EPB41L4A: variants seen among roughly 807,000 people sequenced by gnomAD.
EPB41L4A encodes the protein band 4.1-like protein 4A.
EPB41L4A carries 100 observed loss-of-function variants against 108.6 expected under a neutral mutation model. The ratio of observed to expected loss-of-function variants is 0.92; its 90% CI spans 0.78 to 1.09. The LOEUF is 1.09. EPB41L4A is among the 50% of genes least tolerant of loss of function. EPB41L4A has a pLI of 0.00. For synonymous variants in EPB41L4A, 319 were observed against 289.0 expected, an observed-to-expected ratio of 1.10 and a Z score of -1.05; for missense variants, 1,030 against 842.7, an observed-to-expected ratio of 1.22 and a Z score of -2.75.
Position 112,209,910 on chromosome 5 carries a change from G to T in EPB41L4A, c.1160C>A (p.Ala387Glu). Residue 387 changes from alanine to glutamate, a missense_variant, in exon 13 of 23, where the codon GCA becomes GAA. By Grantham distance (107) the Ala-to-Glu change is moderately radical. Transcript: ENST00000261486. ...CACTGACCTTTTTACTGGTGAAGGT[G>T]CAATAATTTTAATTGTTCCTTCATT... is the stretch of plus-strand genomic sequence containing the variant. ...GENEGTIKIIAPSPVKSFKKA... is the reference protein window; with the variant it reads ...GENEGTIKIIEPSPVKSFKKA... The T allele has an allele frequency of 1.2e-6, 2 of 1,600,524 alleles. No individual in the cohort carries two copies. The highest frequency in any genetic ancestry group is 1.7e-6 in the Non-Finnish European group (2 of 1,169,550).
At chr5:112,314,505 TAAAAAAAAAAAAAAAAAAAAAAA>T (rs552428109) in intron 1 of EPB41L4A, among the ~76,000 whole-genome samples, 5 of 55,182 alleles carry the variant, frequency 9.1e-5, no homozygotes, top group South Asian at 1.2e-3. Flanking sequence ...CCATCGCTAC[TAAAAAAAAAAAAAAAAAAAAAAA>T]AAAAAAAAAA....
chr5:112,175,635 T>C (rs1364950215), intron 18 of EPB41L4A: 1 of 152,040 alleles, frequency 6.6e-6, no homozygotes, highest in Non-Finnish European at 1.5e-5. Flanking sequence ...ACTGTACATC[T>C]GAAATGCCAA....
chr5:112,332,162 A>G (rs1312034973), intron 1 of EPB41L4A, among the ~76,000 whole-genome samples: 1 of 152,246 alleles, frequency 6.6e-6, no homozygotes, highest in East Asian at 1.9e-4. Flanking sequence ...TCCTGCCTCT[A>G]TTGTTCCAAT....
chr5:112,330,859 C>T lies in EPB41L4A; in HGVS notation c.100-23369G>A, dbSNP rs17134365. Among the ~76,000 whole-genome samples the T allele has an allele frequency of 0.029, 4,428 of 152,090 alleles. 313 individuals carry two copies. The East Asian group carries it at 0.31, about 10-fold the overall frequency. The stretch of plus-strand genomic sequence containing the variant: ...AAAAATCATCAAGAGTGATTACCTT[C>T]GGAGACAGCAGTTAGGAGGATGGAG... On this transcript the variant is annotated intron_variant, in intron 1 of 22. Coordinates refer to ENST00000261486, the MANE Select transcript of EPB41L4A (RefSeq NM_022140.5).
At chr5:112,353,443 G>C (rs1157876220) in intron 1 of EPB41L4A, among the ~76,000 whole-genome samples, 1 of 152,102 alleles carries the variant, frequency 6.6e-6, no homozygotes, top group Non-Finnish European at 1.5e-5. Context: ...AACAACACTT[G>C]GCTTCCAGAC....
chr5:112,241,995 CT>C (rs1749820945), intron 9 of EPB41L4A, among the ~76,000 whole-genome samples: 1 of 152,156 alleles, frequency 6.6e-6, no homozygotes, highest in African/African-American at 2.4e-5. Context: ...TAAAAGTCAT[CT>C]GAGCCTTCAG....
intron 12 of EPB41L4A, among the ~76,000 whole-genome samples, chr5:112,233,627 A>C (rs891064754): frequency 7.9e-5 from 12 of 152,046 alleles, no homozygotes; most frequent in African/African-American, 2.4e-4. Context: ...TGCTCAGGCT[A>C]TACTCAAACT....
At chr5:112,188,744 T>G (rs1420347072) in intron 17 of EPB41L4A, among the ~76,000 whole-genome samples, 1 of 152,188 alleles carries the variant, frequency 6.6e-6, no homozygotes, top group African/African-American at 2.4e-5. Context: ...GGCAGGACAG[T>G]AGGCAGTTCC....
intron 1 of EPB41L4A, among the ~76,000 whole-genome samples, chr5:112,404,740 T>G (rs1761983689): frequency 6.6e-6 from 1 of 152,200 alleles, no homozygotes; most frequent in South Asian, 2.1e-4. Flanking sequence ...TCCGGATGGT[T>G]AGAAGCAATC....
At chr5:112,395,489 G>A (rs997851826) in intron 1 of EPB41L4A, among the ~76,000 whole-genome samples, 6 of 152,156 alleles carry the variant, frequency 3.9e-5, no homozygotes, top group African/African-American at 1.2e-4. Context: ...ACAGACACAT[G>A]AAAAAATGCT....
intron 12 of EPB41L4A, among the ~76,000 whole-genome samples, chr5:112,157,567 C>T (rs1580333565): frequency 6.6e-6 from 1 of 152,184 alleles, no homozygotes; most frequent in Non-Finnish European, 1.5e-5. Flanking sequence ...CTAGAGGCTG[C>T]CCATATTCTT....
At chr5:112,272,311 T>C (rs1752316176) in intron 4 of EPB41L4A, among the ~76,000 whole-genome samples, 3 of 151,592 alleles carry the variant, frequency 2.0e-5, no homozygotes, top group Admixed American at 2.0e-4. Context: ...CAGCTGATTT[T>C]TGTATTTTTT....
At chr5:112,167,221 G>A (rs1760306005) in intron 22 of EPB41L4A, among the ~76,000 whole-genome samples, 1 of 150,732 alleles carries the variant, frequency 6.6e-6, no homozygotes, top group East Asian at 1.9e-4. Flanking sequence ...TTGAGGCTTA[G>A]AAGTTTAGCA....
chr5:112,200,292 C>A (rs921601464), intron 15 of EPB41L4A, among the ~76,000 whole-genome samples: 9 of 152,198 alleles, frequency 5.9e-5, no homozygotes, highest in Admixed American at 6.5e-5. Flanking sequence ...CTAACCCCAA[C>A]CTCTTTGGCT....
At chr5:112,412,156 T>C (rs1255156902) in intron 1 of EPB41L4A, among the ~76,000 whole-genome samples, 1 of 152,214 alleles carries the variant, frequency 6.6e-6, no homozygotes, top group Non-Finnish European at 1.5e-5. Flanking sequence ...TCTGACCTTT[T>C]GGTTATTGTC....
intron 1 of EPB41L4A, among the ~76,000 whole-genome samples, chr5:112,360,911 C>G (rs1758693582): frequency 6.6e-6 from 1 of 151,998 alleles, no homozygotes; most frequent in African/African-American, 2.4e-5. Context: ...TGAGGAGTGT[C>G]TCTGCCCCGC....
At chr5:112,178,648 T>C (rs1297773341) in intron 18 of EPB41L4A, among the ~76,000 whole-genome samples, 3 of 151,824 alleles carry the variant, frequency 2.0e-5, no homozygotes, top group African/African-American at 7.3e-5. Context: ...CCTGAAATAT[T>C]TGGAAATTAA....
intron 1 of EPB41L4A, among the ~76,000 whole-genome samples, chr5:112,340,141 G>C (rs1431302890): frequency 1.3e-5 from 2 of 152,214 alleles, no homozygotes; most frequent in African/African-American, 4.8e-5. Context: ...GTTAAGGTCA[G>C]AGTCAAGTCT....
At chr5:112,292,716 T>C (rs980219852) in intron 2 of EPB41L4A, among the ~76,000 whole-genome samples, 3 of 152,194 alleles carry the variant, frequency 2.0e-5, no homozygotes, top group Admixed American at 2.0e-4. Context: ...CTGTTTATTA[T>C]ATTCAAGGAG....
Sources: gnomAD v4.1 joint callset for allele counts (sites outside exome capture counted in the v4.1 genomes callset) on GRCh38, gnomAD v4.1.1 for gene constraint, MANE v1.5 for transcripts, NCBI Gene and HGNC (gene_info 2026-07-23, HGNC 2026-07-21) for gene names.